CD164L2: variants seen among roughly 807,000 people sequenced by gnomAD.
CD164L2 encodes the protein CD164 molecule like 2.
In CD164L2, 21 loss-of-function variants were observed where a neutral mutation model predicts 23.9. The ratio of observed to expected loss-of-function variants is 0.88; its 90% CI spans 0.62 to 1.27. CD164L2 has a LOEUF of 1.27. Ranked by LOEUF, CD164L2 falls within the 50% of genes most tolerant of loss-of-function variation. CD164L2 has a pLI of 0.00. For synonymous variants in CD164L2, 92 were observed against 90.2 expected, an observed-to-expected ratio of 1.02 and a Z score of -0.11; for missense variants, 230 against 224.8, an observed-to-expected ratio of 1.02 and a Z score of -0.15.
Position 27,380,111 on chromosome 1 carries a change from T to G in CD164L2, c.458A>C (p.Gln153Pro), listed in dbSNP as rs1312926492. The change falls in exon 5 of 6, where the codon CAG (glutamine) becomes CCG (proline). Residue 153 changes from glutamine to proline, a missense_variant. Coordinates refer to ENST00000374030, the MANE Select transcript of CD164L2 (RefSeq NM_001330448.1). Reference protein sequence around the residue: ...IGGVVLVLSLQAVAFFVLHFL... With the variant: ...IGGVVLVLSLPAVAFFVLHFL... Reference sequence around the variant, plus strand: ...GTGCAGCACAAAGAAAGCCACCGCCTGTAGGCTCAACACCAGCACGACACC... The same window carrying G: ...GTGCAGCACAAAGAAAGCCACCGCCGGTAGGCTCAACACCAGCACGACACC... The G allele has an allele frequency of 1.2e-6, 2 of 1,613,960 alleles. No individual in the cohort carries two copies. Among genetic ancestry groups the G allele is most frequent in the Non-Finnish European group, 1.7e-6 (2 of 1,179,960 alleles).
At chr1:27,381,383 C>T (rs530158854) in intron 4 of CD164L2, among the ~76,000 whole-genome samples, 11 of 152,288 alleles carry the variant, frequency 7.2e-5, no homozygotes, top group African/African-American at 7.2e-5. Flanking sequence ...GCCAGGAACC[C>T]GCCTTGTGAC....
intron 4 of CD164L2, among the ~76,000 whole-genome samples, 167 bp from the exon 5 acceptor site, chr1:27,380,362 T>C (rs1305350566): frequency 6.6e-6 from 1 of 152,094 alleles, no homozygotes; most frequent in African/African-American, 2.4e-5. Flanking sequence ...GGGAAGCGCC[T>C]GGTGGGAGGA....
At chr1:27,382,086 T>C (rs2016345486) in intron 3 of CD164L2, 1 of 1,478,948 alleles carries the variant, frequency 6.8e-7, no homozygotes, top group Non-Finnish European at 9.0e-7. Flanking sequence ...AAGTCCTTGC[T>C]ATGCCTTAAA....
intron 4 of CD164L2, among the ~76,000 whole-genome samples, chr1:27,380,938 G>T (rs150533391): frequency 6.6e-6 from 1 of 152,252 alleles, no homozygotes; most frequent in East Asian, 1.9e-4. Context: ...GCTGTGCCAC[G>T]GTACCTGTCC....
At chr1:27,379,679 C>T (rs183332723) in intron 5 of CD164L2, 170 bp from the exon 6 acceptor site, 1 of 1,490,784 alleles carries the variant, frequency 6.7e-7, no homozygotes, top group Non-Finnish European at 9.0e-7. Context: ...AGCTCCCCTT[C>T]TCAGAGCAAA....
chr1:27,382,022 T>C, intron 3 of CD164L2, 198 bp from the exon 4 acceptor site: 1 of 1,440,538 alleles, frequency 6.9e-7, no homozygotes, highest in Non-Finnish European at 9.3e-7. Context: ...CCAGGCTCAT[T>C]ACTGATGCCA....
chr1:27,382,285 G>A, intron 3 of CD164L2, 43 bp downstream of exon 3: 1 of 1,614,138 alleles, frequency 6.2e-7, no homozygotes. Flanking sequence ...GCTATGGCTG[G>A]GGAGACCCAT....
intron 4 of CD164L2, among the ~76,000 whole-genome samples, chr1:27,380,563 T>A (rs2016317579): frequency 6.6e-6 from 1 of 152,178 alleles, no homozygotes; most frequent in Non-Finnish European, 1.5e-5. Flanking sequence ...GAGCCAGAAC[T>A]CAGACCCTCC....
chr1:27,382,271 G>T (rs77517156), intron 3 of CD164L2, 57 bp downstream of exon 3: 62 of 1,614,104 alleles, frequency 3.8e-5, no homozygotes, highest in Non-Finnish European at 5.2e-5. Flanking sequence ...CTCCTGGGGG[G>T]CAGGCTATGG....
chr1:27,381,969 A>G, intron 3 of CD164L2, 145 bp from the exon 4 acceptor site: 1 of 1,360,460 alleles, frequency 7.4e-7, no homozygotes, highest in South Asian at 1.4e-5. Context: ...CAAGCCCCAC[A>G]CAGTTCCCTC....
At chr1:27,382,041 A>C in intron 3 of CD164L2, 1 of 1,463,922 alleles carries the variant, frequency 6.8e-7, no homozygotes, top group South Asian at 1.4e-5. Context: ...CACCTCCTCC[A>C]GGAAGCACTC....
Position 27,383,187 on chromosome 1 carries a change from C to T in CD164L2, c.53G>A (p.Cys18Tyr), listed in dbSNP as rs1343699030. 6.5e-7 allele frequency: 1 copy of T among 1,547,856 alleles called. No homozygotes were observed. The highest frequency in any genetic ancestry group is 2.4e-5 in the East Asian group (1 of 40,922). ...ALRTALCGGCCCLLLCAQLAV... is the reference protein window; with the variant it reads ...ALRTALCGGCYCLLLCAQLAV... Reference sequence around the variant, plus strand: ...CAGCTGGGCACATAGGAGGAGGCAGCAACAGCCGCCACAGAGCGCAGTCCG... The same window carrying T: ...CAGCTGGGCACATAGGAGGAGGCAGTAACAGCCGCCACAGAGCGCAGTCCG... The change falls in exon 1 of 6, where the codon TGC becomes TAC. Residue 18 changes from cysteine (C) to tyrosine (Y), a missense_variant. By Grantham distance (194) the Cys-to-Tyr change is radical (BLOSUM62 -2). Transcript: ENST00000374030.
At position 27,382,581 on chromosome 1, in the gene CD164L2, C is replaced by T. The variant is rs2016358375; in HGVS notation, c.175G>A (p.Val59Ile). 3 of 1,613,500 alleles carry T rather than the reference C, an allele frequency of 1.9e-6. No individual in the cohort carries two copies. Among genetic ancestry groups the T allele is most frequent in the Middle Eastern group, 1.7e-4 (1 of 5,740 alleles). ...TCTCCCTCCACGCAGTGCTCACAGA[C>T]CTCCAGCTGTTTGCAGGCCCCTTGG... ...AVQGACKQLE[V>I]CEHCVEGDGA... Residue 59 changes from valine to isoleucine, a missense_variant, in exon 2 of 6, where the codon GTC becomes ATC. Coordinates refer to ENST00000374030, the MANE Select transcript of CD164L2 (RefSeq NM_001330448.1).
chr1:27,383,205 G>A lies in CD164L2; in HGVS notation c.35C>T (p.Ala12Val). 6.5e-7 allele frequency: 1 copy of A among 1,547,580 alleles called. No homozygotes were observed. Among genetic ancestry groups the A allele is most frequent in the South Asian group, 1.2e-5 (1 of 83,972 alleles). ...EAPGPRALRT[A>V]LCGGCCCLLL... is the part of the protein sequence containing the mutation. ...GAGGCAGCAACAGCCGCCACAGAGC[G>A]CAGTCCGCAAGGCGCGGGGTCCCGG... The change falls in exon 1 of 6, where the codon GCG (alanine) becomes GTG (valine). Residue 12 changes from alanine to valine, a missense_variant. Ala to Val is a moderately conservative substitution (Grantham distance 64). Transcript: ENST00000374030.
chr1:27,381,865 C>G, intron 3 of CD164L2, 41 bp from the exon 4 acceptor site: 1 of 1,612,020 alleles, frequency 6.2e-7, no homozygotes, highest in Non-Finnish European at 8.5e-7. Flanking sequence ...GCCTTCCCAC[C>G]CCCTGACTCC....
Position 27,379,361 on chromosome 1 carries a change from G to A in CD164L2, c.*142C>T. 1.2e-5 allele frequency: 9 copies of A among 736,360 alleles called. No individual in the cohort carries two copies. In the South Asian group the frequency reaches 1.3e-4, roughly 11 times the overall value. The allele number at this position is 736,360 out of a possible 1,614,324, so 45.6% of individuals were successfully genotyped here. A position where few individuals can be genotyped will look rare whatever the true frequency, so the allele number is the denominator to read the frequency against. Reference sequence around the variant, plus strand: ...GAGGAGATGTCAGGCATCAGACACTGAGCCTGCTTGGTGCCCGCAGGAGCC... The same window carrying A: ...GAGGAGATGTCAGGCATCAGACACTAAGCCTGCTTGGTGCCCGCAGGAGCC... On this transcript the variant is annotated 3_prime_UTR_variant, in exon 6 of 6. Coordinates refer to ENST00000374030, the MANE Select transcript of CD164L2 (RefSeq NM_001330448.1).
Position 27,383,221 on chromosome 1 carries a change from G to C in CD164L2, c.19C>G (p.Arg7Gly). 6.5e-7 allele frequency: 1 copy of C among 1,545,922 alleles called. No homozygotes were observed. Among genetic ancestry groups the C allele is most frequent in the Non-Finnish European group, 8.7e-7 (1 of 1,146,592 alleles). The part of the protein sequence containing the change: MEAPGP[R>G]ALRTALCGGC... Reference sequence around the variant, plus strand: ...CCACAGAGCGCAGTCCGCAAGGCGCGGGGTCCCGGAGCCTCCATGGGCTCG... The same window carrying C: ...CCACAGAGCGCAGTCCGCAAGGCGCCGGGTCCCGGAGCCTCCATGGGCTCG... Residue 7 changes from arginine (R) to glycine (G), a missense_variant, in exon 1 of 6, where the codon CGC becomes GGC. By Grantham distance (125) the Arg-to-Gly change is moderately radical. Coordinates refer to ENST00000374030, the MANE Select transcript of CD164L2 (RefSeq NM_001330448.1).
Position 27,383,320 on chromosome 1 carries a change from T to A in CD164L2, c.-81A>T. ...CGGGCGCGTCCCTCCCAGACTGGGC[T>A]CGGCTGAGCGTGTGCGGAGCGAGAC... On this transcript the variant is annotated 5_prime_UTR_variant, in exon 1 of 6. Transcript: ENST00000374030. 1 of 922,504 alleles carries A rather than the reference T, an allele frequency of 1.1e-6. No homozygotes were observed. The highest frequency in any genetic ancestry group is 1.6e-6 in the Non-Finnish European group (1 of 612,538). The allele number at this position is 922,504 out of a possible 1,614,324, so 57.1% of individuals were successfully genotyped here.
intron 4 of CD164L2, among the ~76,000 whole-genome samples, chr1:27,380,649 A>T (rs1229381737): frequency 6.6e-6 from 1 of 152,058 alleles, no homozygotes. Flanking sequence ...CCTTTTCAGG[A>T]CTCCTAAGCC....
Sources: gnomAD v4.1 joint callset for allele counts (sites outside exome capture counted in the v4.1 genomes callset) on GRCh38, gnomAD v4.1.1 for gene constraint, MANE v1.5 for transcripts, NCBI Gene and HGNC (gene_info 2026-07-23, HGNC 2026-07-21) for gene names.